Variants in INTS6 observed in about 807,000 individuals in gnomAD.
INTS6 encodes the protein integrator complex subunit 6.
Under a neutral mutation model 104.9 loss-of-function variants are expected in INTS6, and 16 were observed. The observed-to-expected ratio is 0.15, with a 90% CI of 0.10 to 0.23. INTS6 has a LOEUF of 0.23. INTS6 is among the 10% of genes least tolerant of loss of function. The pLI, the probability that INTS6 is intolerant of heterozygous loss-of-function variation, is 1.00. For synonymous variants in INTS6, 324 were observed against 358.7 expected, an observed-to-expected ratio of 0.90 and a Z score of 1.09; for missense variants, 584 against 1,062.8, an observed-to-expected ratio of 0.55 and a Z score of 6.26.
chr13:51,353,055 T>C (rs948767200), downstream of INTS6, among the ~76,000 whole-genome samples: 4 of 152,192 alleles, frequency 2.6e-5, no homozygotes, highest in African/African-American at 4.8e-5. Flanking sequence ...CTGTAATTTG[T>C]CTTTCTTGTA....
chr13:51,437,379 T>C (rs1004820587), intron 3 of INTS6: 8 of 152,120 alleles, frequency 5.3e-5, no homozygotes, highest in Non-Finnish European at 1.0e-4. Context: ...CAAGCAGACC[T>C]TGAATGTAGG....
At chr13:51,393,526 AGAAAG>A in intron 5 of INTS6, among the ~76,000 whole-genome samples, 1 of 152,358 alleles carries the variant, frequency 6.6e-6, no homozygotes, top group South Asian at 2.1e-4. Context: ...AAATTAAAAA[AGAAAG>A]GAAACACATT....
At chr13:51,347,052 G>T in the INTS6 span, 4 of 1,591,654 alleles carry the variant, frequency 2.5e-6, no homozygotes, top group Non-Finnish European at 3.4e-6. Flanking sequence ...GGCCCTGGTG[G>T]CTGGCCGTGG....
At chr13:51,353,920 T>A (rs1955438870), downstream of INTS6, among the ~76,000 whole-genome samples, 1 of 152,148 alleles carries the variant, frequency 6.6e-6, no homozygotes, top group Non-Finnish European at 1.5e-5. Flanking sequence ...CCTTTTAAAG[T>A]ATCCTTCAAC....
At chr13:51,379,429 T>A in intron 11 of INTS6, 33 bp downstream of exon 11, 1 of 1,340,614 alleles carries the variant, frequency 7.5e-7, no homozygotes, top group Non-Finnish European at 1.0e-6. Context: ...CCATTCAAAA[T>A]ACTTAATGGC....
At chr13:51,360,094 C>A (rs1344652355), downstream of INTS6, among the ~76,000 whole-genome samples, 3 of 152,054 alleles carry the variant, frequency 2.0e-5, no homozygotes, top group East Asian at 3.8e-4. Flanking sequence ...GCCGCATATT[C>A]TTTATTTTGG....
the INTS6 span, among the ~76,000 whole-genome samples, chr13:51,337,756 A>G: frequency 3.3e-5 from 5 of 152,228 alleles, no homozygotes; most frequent in Non-Finnish European, 7.3e-5. Context: ...AGGGTCTAAT[A>G]GAGTAGCTGG....
At chr13:51,429,472 A>G (rs1277752925) in intron 4 of INTS6, among the ~76,000 whole-genome samples, 1 of 152,092 alleles carries the variant, frequency 6.6e-6, no homozygotes, top group East Asian at 1.9e-4. Flanking sequence ...GTTAGCTATA[A>G]ATTTTTTATA....
At chr13:51,380,381 G>C (rs1414376655) in intron 10 of INTS6, among the ~76,000 whole-genome samples, 1 of 152,138 alleles carries the variant, frequency 6.6e-6, no homozygotes, top group East Asian at 1.9e-4. Context: ...TGACATATTA[G>C]AAAGTGTATA....
At chr13:51,392,376 T>C (rs1215240295) in intron 5 of INTS6, among the ~76,000 whole-genome samples, 2 of 152,148 alleles carry the variant, frequency 1.3e-5, no homozygotes, top group Non-Finnish European at 2.9e-5. Flanking sequence ...TCCAAACATA[T>C]AGAGAGCATG....
At chr13:51,431,702 G>A (rs1450304020) in intron 3 of INTS6, among the ~76,000 whole-genome samples, 3 of 152,078 alleles carry the variant, frequency 2.0e-5, no homozygotes, top group Non-Finnish European at 1.5e-5. Context: ...TAAGTGACAC[G>A]TGCACTTTTC....
chr13:51,434,957 G>T (rs1323399821), intron 3 of INTS6, among the ~76,000 whole-genome samples: 1 of 151,958 alleles, frequency 6.6e-6, no homozygotes, highest in Non-Finnish European at 1.5e-5. Flanking sequence ...TCAAGCCTAC[G>T]CAATTTAATA....
At chr13:51,412,133 G>A (rs780642820) in intron 4 of INTS6, among the ~76,000 whole-genome samples, 6 of 152,182 alleles carry the variant, frequency 3.9e-5, no homozygotes, top group Non-Finnish European at 8.8e-5. Context: ...CAGAAAGCAG[G>A]TCAGTTGTCA....
chr13:51,426,369 G>A (rs949699857), intron 4 of INTS6, among the ~76,000 whole-genome samples: 9 of 151,978 alleles, frequency 5.9e-5, no homozygotes, highest in Non-Finnish European at 8.8e-5. Flanking sequence ...CTATTTTCTA[G>A]GCTCAAAACA....
chr13:51,451,800 C>A (rs1953058554), intron 2 of INTS6, among the ~76,000 whole-genome samples, 178 bp downstream of exon 2: 1 of 149,890 alleles, frequency 6.7e-6, no homozygotes, highest in African/African-American at 2.4e-5. Context: ...CCGCGCCGCG[C>A]TAGGACGCTG....
chr13:51,359,691 A>G (rs924572051), downstream of INTS6, among the ~76,000 whole-genome samples: 1 of 152,196 alleles, frequency 6.6e-6, no homozygotes, highest in Non-Finnish European at 1.5e-5. Flanking sequence ...TTTCACCAAC[A>G]TTCATTTAAA....
At chr13:51,342,329 TG>T in the INTS6 span, among the ~76,000 whole-genome samples, 1 of 152,146 alleles carries the variant, frequency 6.6e-6, no homozygotes, top group Non-Finnish European at 1.5e-5. Context: ...CACCTATACC[TG>T]GGTGACACTG....
At chr13:51,371,869 C>A (rs1248834289) in intron 15 of INTS6, among the ~76,000 whole-genome samples, 1 of 152,120 alleles carries the variant, frequency 6.6e-6, no homozygotes, top group African/African-American at 2.4e-5. Context: ...AAATTGCACA[C>A]ACCCTCGCCC....
At chr13:51,395,012 C>T (rs538521072) in intron 5 of INTS6, among the ~76,000 whole-genome samples, 2 of 152,284 alleles carry the variant, frequency 1.3e-5, no homozygotes, top group African/African-American at 2.4e-5. Flanking sequence ...AAATCATTGG[C>T]AATCTTTGTA....
Sources: allele counts gnomAD v4.1 joint callset (sites outside exome capture counted in the v4.1 genomes callset), GRCh38; gene constraint gnomAD v4.1.1; transcripts MANE v1.5; gene names NCBI Gene and HGNC (gene_info 2026-07-23, HGNC 2026-07-21).